Variants in SEC31A observed in about 807,000 individuals in gnomAD.
SEC31A encodes SEC31 homolog A, COPII component.
In SEC31A, 70 loss-of-function variants were observed where a neutral mutation model predicts 151.0. The observed-to-expected ratio is 0.46, with a 90% confidence interval of 0.38 to 0.57. The LOEUF (loss-of-function observed/expected upper bound fraction) is 0.57. Ranked by LOEUF, SEC31A falls within the 20% of genes least tolerant of loss-of-function variation. The pLI is 0.00. For missense variants in SEC31A, 1,330 were observed against 1,471.2 expected (o/e 0.90, Z 1.57); for synonymous variants, 475 against 505.9 (o/e 0.94, Z 0.82).
Position 82,864,591 on chromosome 4 carries a change from C to T in SEC31A, c.1205G>A (p.Gly402Asp). 2 of 1,613,118 alleles carry T rather than the reference C, an allele frequency of 1.2e-6. No individual in the cohort carries two copies. The highest frequency in any genetic ancestry group is 1.7e-4 in the Middle Eastern group (1 of 6,052). The change falls in exon 11 of 27, where the codon GGC becomes GAC. Residue 402 changes from glycine to aspartate, a missense_variant. Gly to Asp is a moderately conservative substitution (Grantham distance 94, BLOSUM62 -1). Transcript: ENST00000395310. ...RPVGASFSFGGKLVTFENVRM... is the reference protein window; with the variant it reads ...RPVGASFSFGDKLVTFENVRM... Reference sequence around the variant, plus strand: ...GACATTCTCAAACGTAACCAGTTTGCCTCCAAACTATAAAAGAGAGAATGA... The same window carrying T: ...GACATTCTCAAACGTAACCAGTTTGTCTCCAAACTATAAAAGAGAGAATGA...
intron 10 of SEC31A, 62 bp downstream of exon 10, chr4:82,866,746 A>T: frequency 6.9e-7 from 1 of 1,448,710 alleles, no homozygotes; most frequent in Non-Finnish European, 9.3e-7. Flanking sequence ...GTGACTCTAT[A>T]ATAACACTTT....
upstream of SEC31A, among the ~76,000 whole-genome samples, chr4:82,891,845 A>G (rs998920067): frequency 6.6e-6 from 1 of 152,236 alleles, no homozygotes; most frequent in East Asian, 1.9e-4. Context: ...TGCGTTGCCT[A>G]AGTGTACTTT....
At chr4:82,846,784 A>G (rs1252382465) in intron 20 of SEC31A, among the ~76,000 whole-genome samples, 4 of 151,976 alleles carry the variant, frequency 2.6e-5, no homozygotes, top group African/African-American at 9.7e-5. Flanking sequence ...GCGTGATCTC[A>G]GCTCACTGCA....
intron 3 of SEC31A, chr4:82,899,665 G>A (rs1481812302): frequency 1.3e-5 from 2 of 152,566 alleles, no homozygotes; most frequent in Admixed American, 6.5e-5. Context: ...TCCATTCAGA[G>A]AAGATACAAG....
At chr4:82,851,741 C>T in intron 18 of SEC31A, 137 bp from the exon 19 acceptor site, 1 of 685,196 alleles carries the variant, frequency 1.5e-6, no homozygotes, top group Non-Finnish European at 2.4e-6. Context: ...TAGAAAAGTA[C>T]AGCCACTATT....
At chr4:82,885,783 A>G (rs1052192640) in intron 1 of SEC31A, among the ~76,000 whole-genome samples, 10 of 152,140 alleles carry the variant, frequency 6.6e-5, no homozygotes, top group Admixed American at 5.2e-4. Flanking sequence ...TTTACATTTT[A>G]TTCTTTCTTC....
chr4:82,857,406 C>G (rs143746545), intron 15 of SEC31A, among the ~76,000 whole-genome samples: 2,113 of 152,282 alleles, frequency 0.014, 23 homozygotes, highest in Non-Finnish European at 0.021. Flanking sequence ...CCAGCCTTCC[C>G]AAGGCACTGA....
At chr4:82,856,759 T>G (rs1243907099) in intron 16 of SEC31A, among the ~76,000 whole-genome samples, 193 bp downstream of exon 16, 2 of 152,158 alleles carry the variant, frequency 1.3e-5, no homozygotes, top group East Asian at 1.9e-4. Context: ...TTTAAAATTA[T>G]TAATATATAC....
rs1722749036 is a variant in SEC31A at position 82,818,831 on chromosome 4, T to C, written c.*243A>G. ...CTTCAGGAAACCATACTATGTGTAATCCAGGAAATACACTATTTGCAGAAT... is the reference window on the plus strand; with the variant it reads ...CTTCAGGAAACCATACTATGTGTAACCCAGGAAATACACTATTTGCAGAAT... On this transcript the variant is annotated 3_prime_UTR_variant, in exon 27 of 27. Transcript: ENST00000395310. 2.9e-6 allele frequency: 1 copy of C among 339,898 alleles called. No individual in the cohort carries two copies. Among genetic ancestry groups the C allele is most frequent in the South Asian group, 1.4e-4 (1 of 7,236 alleles). The allele number at this position is 339,898 out of a possible 1,614,324, so 21.1% of individuals were successfully genotyped here.
intron 21 of SEC31A, among the ~76,000 whole-genome samples, chr4:82,843,292 C>T (rs553108477): frequency 1.3e-5 from 2 of 152,108 alleles, no homozygotes; most frequent in African/African-American, 2.4e-5. Flanking sequence ...TGCCACCACA[C>T]CCACCTAATT....
rs960186292 is a variant in SEC31A at position 82,833,493 on chromosome 4, C to A, written c.2969-4435G>T. Among the ~76,000 whole-genome samples, 9 of 150,636 alleles carry A rather than the reference C, an allele frequency of 6.0e-5. No homozygotes were observed. The South Asian group carries it at 1.9e-3, about 32-fold the overall frequency. On this transcript the variant is annotated intron_variant, in intron 22 of 26. Transcript: ENST00000395310. ...GCAAACCACCATGGCACATGTATAC[C>A]CATGTAACAAAACTGCATGTAACCC...
intron 22 of SEC31A, among the ~76,000 whole-genome samples, chr4:82,841,467 T>TATATATATAC (rs1339344582): frequency 2.9e-5 from 3 of 103,560 alleles, no homozygotes; most frequent in African/African-American, 1.0e-4. Flanking sequence ...TATATATATA[T>TATATATATAC]ACACACACAC....
At position 82,848,885 on chromosome 4, in the gene SEC31A, C is replaced by T. The variant is rs1730806494; in HGVS notation, c.2421G>A (p.Gln807=). Reference sequence around the variant, plus strand: ...GTCCAGGCCTGCCCTTGGGGAGCTGCTGTTTCTCGTACGGAATTTTAGGTG... The same window carrying T: ...GTCCAGGCCTGCCCTTGGGGAGCTGTTGTTTCTCGTACGGAATTTTAGGTG... ...HESPKIPYEK[Q]QLPKGRPGPV... Residue 807 remains glutamine, a synonymous_variant, in exon 20 of 27, where the codon CAG becomes CAA. Transcript: ENST00000395310. 4 of 1,614,140 alleles carry T rather than the reference C, an allele frequency of 2.5e-6. No homozygotes were observed. The highest frequency in any genetic ancestry group is 3.4e-6 in the Non-Finnish European group (4 of 1,180,020).
intron 1 of SEC31A, among the ~76,000 whole-genome samples, 162 bp from the exon 2 acceptor site, chr4:82,882,102 T>C (rs553878900): frequency 5.6e-4 from 85 of 152,298 alleles, no homozygotes; most frequent in African/African-American, 1.9e-3. Flanking sequence ...GTTGGATATA[T>C]TCATTAGAAA....
intron 15 of SEC31A, 24 bp from the exon 16 acceptor site, chr4:82,857,154 C>T: frequency 6.3e-7 from 1 of 1,598,484 alleles, no homozygotes; most frequent in Non-Finnish European, 8.5e-7. Context: ...ATAATACATC[C>T]AAGTTAAATA....
intron 4 of SEC31A, among the ~76,000 whole-genome samples, chr4:82,878,366 C>G (rs1295931094): frequency 6.6e-6 from 1 of 151,932 alleles, no homozygotes; most frequent in South Asian, 2.1e-4. Flanking sequence ...TGGTGGCAGG[C>G]GCCTGTAATC....
intron 1 of SEC31A, among the ~76,000 whole-genome samples, chr4:82,887,031 A>C (rs1400779332): frequency 6.6e-6 from 1 of 152,226 alleles, no homozygotes; most frequent in East Asian, 1.9e-4. Flanking sequence ...AATGAGCTAG[A>C]GTGACCAGTT....
upstream of SEC31A, chr4:82,894,052 T>C (rs892425697): frequency 1.3e-5 from 2 of 152,104 alleles, no homozygotes; most frequent in South Asian, 2.1e-4. Flanking sequence ...AGCAGGAACA[T>C]TGTTGTGGTG....
At chr4:82,849,114 A>T in intron 19 of SEC31A, 137 bp from the exon 20 acceptor site, 1 of 747,268 alleles carries the variant, frequency 1.3e-6, no homozygotes, top group Admixed American at 2.9e-5. Flanking sequence ...ATAGACCCTG[A>T]CACACAGATT....
Sources: gnomAD v4.1 joint callset for allele counts (sites outside exome capture counted in the v4.1 genomes callset) on GRCh38, gnomAD v4.1.1 for gene constraint, MANE v1.5 for transcripts, NCBI Gene and HGNC (gene_info 2026-07-23, HGNC 2026-07-21) for gene names.